Variants in TENT5D observed in about 807,000 individuals in gnomAD.
TENT5D encodes terminal nucleotidyltransferase 5D.
For synonymous variants in TENT5D, 103 were observed against 100.6 expected (o/e 1.02, Z -0.15); for missense variants, 191 against 287.0 (o/e 0.67, Z 2.42).
In TENT5D at chrX:80,372,886, C is replaced by CA. The variant is rs59485814; in HGVS notation, c.-142+30340dup. Among the ~76,000 whole-genome samples the CA allele has an allele frequency of 7.6e-3, 520 of 68,636 alleles. 8 individuals carry two copies. The highest frequency in any genetic ancestry group is 0.023 in the African/African-American group (389 of 17,167). The allele number at this position is 68,636 out of a possible 115,157, so 59.6% of individuals were successfully genotyped here. On this transcript the variant is annotated intron_variant, in intron 3 of 4. Transcript: ENST00000538312. The stretch of plus-strand genomic sequence containing the variant: ...TGGGCAACAGAGCGAGACTCTATCT[C>CA]AAAAAAAAAAAAAAAAAAGGATTAG...
chrX:80,422,902 A>T (rs1931917771), intron 1 of TENT5D, among the ~76,000 whole-genome samples: 1 of 111,643 alleles, frequency 9.0e-6, no homozygotes, highest in Non-Finnish European at 1.9e-5. Context: ...GATAAAGCTT[A>T]TGAGGTTACT....
At chrX:80,345,997 A>G (rs1930051050) in intron 3 of TENT5D, among the ~76,000 whole-genome samples, 1 of 111,596 alleles carries the variant, frequency 9.0e-6, no homozygotes, top group African/African-American at 3.3e-5. Context: ...TTTCATTCCT[A>G]TTCTTGTCTA....
At chrX:80,348,480 G>A (rs924693328) in intron 3 of TENT5D, among the ~76,000 whole-genome samples, 9 of 111,454 alleles carry the variant, frequency 8.1e-5, no homozygotes, top group African/African-American at 1.3e-4. Context: ...TGGTGTATAG[G>A]AATGCTTATG....
chrX:80,403,043 T>C (rs973938016), intron 3 of TENT5D, among the ~76,000 whole-genome samples: 1 of 112,081 alleles, frequency 8.9e-6, no homozygotes, highest in Non-Finnish European at 1.9e-5. Flanking sequence ...ATTATTTATT[T>C]ATAACGTCCC....
chrX:80,353,052 A>C (rs1021075653), intron 3 of TENT5D, among the ~76,000 whole-genome samples: 7 of 111,940 alleles, frequency 6.3e-5, no homozygotes, highest in Non-Finnish European at 1.3e-4. Context: ...CCTCAGTTGG[A>C]AATGCAGAAA....
At chrX:80,365,731 C>G (rs1195158609) in intron 3 of TENT5D, among the ~76,000 whole-genome samples, 1 of 109,299 alleles carries the variant, frequency 9.1e-6, no homozygotes, top group Admixed American at 9.9e-5. Flanking sequence ...GTCCCAGCTA[C>G]TCGGGAGGCT....
chrX:80,432,672 A>T (rs1157252365), intron 1 of TENT5D, among the ~76,000 whole-genome samples: 1 of 111,848 alleles, frequency 8.9e-6, no homozygotes, highest in Non-Finnish European at 1.9e-5. Flanking sequence ...ATGTAGCAGT[A>T]TCTCATTGTC....
intron 3 of TENT5D, among the ~76,000 whole-genome samples, chrX:80,410,933 T>C (rs898069222): frequency 8.4e-5 from 9 of 106,721 alleles, no homozygotes; most frequent in African/African-American, 3.1e-4. Flanking sequence ...GATGAGTTCA[T>C]GTCCTTTGTA....
rs180712167 is a variant in TENT5D at position 80,393,456 on chromosome X, A to G, written c.-141-45154A>G. 3.6e-5 allele frequency among the ~76,000 whole-genome samples: 4 copies of G among 110,670 alleles called. No individual in the cohort carries two copies. In the East Asian group the frequency reaches 1.1e-3, roughly 31 times the overall value. On this transcript the variant is annotated intron_variant, in intron 3 of 4. Coordinates refer to the TENT5D transcript ENST00000538312. ...ACATATTACAAACTTGTATATATTT[A>G]TGGGGTACAATGTGATTATATAATT...
At chrX:80,369,843 C>T (rs1295683919) in intron 3 of TENT5D, among the ~76,000 whole-genome samples, 2 of 111,687 alleles carry the variant, frequency 1.8e-5, no homozygotes, top group Non-Finnish European at 3.8e-5. Context: ...TGTAGGTGTT[C>T]AGGGGGCAGT....
chrX:80,445,024 CCAT>C lies in TENT5D; in HGVS notation c.*1318_*1320del, dbSNP rs1297902375. The C allele has an allele frequency of 3.3e-5, 4 of 122,184 alleles. No homozygotes were observed. The East Asian group carries it at 8.5e-4, about 26-fold the overall frequency. The allele number at this position is 122,184 out of a possible 1,213,427, so 10.1% of individuals were successfully genotyped here. ...GAGTTTCCATTTCAGTTTTTATTGA[CCAT>C]CACGTTTTCTATCACAACATGACCT... is the stretch of plus-strand genomic sequence containing the variant. On this transcript the variant is annotated 3_prime_UTR_variant, in exon 3 of 3. Coordinates refer to ENST00000308293, the Ensembl canonical transcript of TENT5D.
chrX:80,403,382 A>G (rs1569367619), intron 3 of TENT5D, among the ~76,000 whole-genome samples: 1 of 111,818 alleles, frequency 8.9e-6, no homozygotes, highest in Non-Finnish European at 1.9e-5. Context: ...CCCTTCTTAA[A>G]CCAGCATTTT....
At chrX:80,431,011 T>C (rs1168705847) in intron 1 of TENT5D, among the ~76,000 whole-genome samples, 1 of 111,758 alleles carries the variant, frequency 8.9e-6, no homozygotes, top group Admixed American at 9.5e-5. Flanking sequence ...TTTAATACTA[T>C]CTCTGGCTTC....
At position 80,339,880 on chromosome X, in the gene TENT5D, G is replaced by T. The variant is rs995832252; in HGVS notation, c.-206-2620G>T. On this transcript the variant is annotated intron_variant, in intron 2 of 4. Coordinates refer to the TENT5D transcript ENST00000538312. Reference sequence around the variant, plus strand: ...AAATATATATATATATATAGAGAGAGAGAGAGAGAGAGAGAGTTATCAAAA... The same window carrying T: ...AAATATATATATATATATAGAGAGATAGAGAGAGAGAGAGAGTTATCAAAA... 2.2e-3 allele frequency among the ~76,000 whole-genome samples: 242 copies of T among 108,108 alleles called. 2 individuals carry two copies. The highest frequency in any genetic ancestry group is 5.0e-3 in the Admixed American group (50 of 9,990). The allele number at this position is 108,108 out of a possible 115,157, so 93.9% of individuals were successfully genotyped here.
At chrX:80,429,582 C>G (rs1320462694) in intron 1 of TENT5D, among the ~76,000 whole-genome samples, 1 of 110,623 alleles carries the variant, frequency 9.0e-6, no homozygotes, top group African/African-American at 3.3e-5. Flanking sequence ...GGATTACAGG[C>G]GTGAGCCACT....
intron 3 of TENT5D, among the ~76,000 whole-genome samples, chrX:80,412,309 T>C (rs1464435108): frequency 8.9e-6 from 1 of 112,324 alleles, no homozygotes; most frequent in Non-Finnish European, 1.9e-5. Flanking sequence ...CCCGGGCCTG[T>C]GATAGGAGAG....
At chrX:80,407,801 T>C (rs1931537343) in intron 3 of TENT5D, among the ~76,000 whole-genome samples, 1 of 105,805 alleles carries the variant, frequency 9.5e-6, no homozygotes, top group African/African-American at 3.5e-5. Flanking sequence ...AATATACATT[T>C]TTTTCAGCAC....
chrX:80,436,144 G>T (rs963622251), intron 1 of TENT5D, among the ~76,000 whole-genome samples: 1 of 110,627 alleles, frequency 9.0e-6, no homozygotes, highest in East Asian at 2.8e-4. Context: ...CATATATTCT[G>T]ATTTGGTGGC....
chrX:80,345,411 G>T (rs1386251323), intron 3 of TENT5D, among the ~76,000 whole-genome samples: 2 of 111,442 alleles, frequency 1.8e-5, no homozygotes, highest in Admixed American at 1.9e-4. Context: ...AGTAGGTCTT[G>T]TAACTGGCAA....
Sources: allele counts gnomAD v4.1 joint callset (sites outside exome capture counted in the v4.1 genomes callset), GRCh38; gene constraint gnomAD v4.1.1; transcripts MANE v1.5; gene names NCBI Gene and HGNC (gene_info 2026-07-23, HGNC 2026-07-21).